Variants in APPBP2 observed in about 807,000 individuals in gnomAD.
APPBP2 encodes amyloid beta precursor protein binding protein 2.
In APPBP2, 15 loss-of-function variants were observed where a neutral mutation model predicts 76.0. That is an observed-to-expected ratio of 0.20 (90% confidence interval 0.13 to 0.30). The LOEUF (loss-of-function observed/expected upper bound fraction) is 0.30. Ranked by LOEUF, APPBP2 falls within the 10% of genes least tolerant of loss-of-function variation. The probability of loss-of-function intolerance (pLI) is 1.00; values close to 1 mark genes in which losing one functional copy is unlikely to be tolerated. For synonymous variants in APPBP2, 222 were observed against 242.2 expected (o/e 0.92, Z 0.77); for missense variants, 401 against 687.2 (o/e 0.58, Z 4.66).
intron 3 of APPBP2, among the ~76,000 whole-genome samples, chr17:60,479,998 A>G (rs1262756012): frequency 6.6e-6 from 1 of 152,222 alleles, no homozygotes; most frequent in Non-Finnish European, 1.5e-5. Flanking sequence ...GATGCACACA[A>G]TGTGACTTCA....
intron 11 of APPBP2, among the ~76,000 whole-genome samples, chr17:60,453,244 G>A (rs2090408134): frequency 6.6e-6 from 1 of 152,006 alleles, no homozygotes; most frequent in Non-Finnish European, 1.5e-5. Flanking sequence ...AAGCTGGAGT[G>A]CAGATCTCGG....
At chr17:60,499,732 A>G (rs1202808091) in intron 2 of APPBP2, among the ~76,000 whole-genome samples, 1 of 152,242 alleles carries the variant, frequency 6.6e-6, no homozygotes, top group Non-Finnish European at 1.5e-5. Flanking sequence ...TAATCTAGCC[A>G]TAAAAAGAAA....
At chr17:60,454,666 T>C (rs2090419527) in intron 10 of APPBP2, among the ~76,000 whole-genome samples, 174 bp from the exon 11 acceptor site, 1 of 152,236 alleles carries the variant, frequency 6.6e-6, no homozygotes, top group African/African-American at 2.4e-5. Flanking sequence ...GTACACTTTT[T>C]GGTGGTCATT....
In APPBP2 at chr17:60,526,009, C is replaced by T. The variant is rs1358621500; in HGVS notation, c.-78G>A. The stretch of plus-strand genomic sequence containing the variant: ...CCTCCCTCCGTAGCGAACCCCTCTG[C>T]GGCCCCGGAGGATTCGGAGGGGCGG... On this transcript the variant is annotated 5_prime_UTR_variant, in exon 1 of 13. Coordinates refer to ENST00000083182, the MANE Select transcript of APPBP2 (RefSeq NM_006380.5). 6 of 1,425,598 alleles carry T rather than the reference C, an allele frequency of 4.2e-6. No individual in the cohort carries two copies. In the East Asian group the frequency reaches 1.3e-4, roughly 30 times the overall value. The allele number at this position is 1,425,598 out of a possible 1,614,324, so 88.3% of individuals were successfully genotyped here.
chr17:60,521,894 A>C (rs2091012641), intron 1 of APPBP2, among the ~76,000 whole-genome samples: 1 of 152,218 alleles, frequency 6.6e-6, no homozygotes, highest in African/African-American at 2.4e-5. Context: ...CCCCTGGTTT[A>C]GATACACAAG....
At chr17:60,476,477 A>C (rs991821958) in intron 4 of APPBP2, among the ~76,000 whole-genome samples, 7 of 152,274 alleles carry the variant, frequency 4.6e-5, no homozygotes, top group Non-Finnish European at 7.4e-5. Flanking sequence ...AAATTTTAAT[A>C]ATCTTTTCAA....
chr17:60,519,442 T>G (rs1397436347), intron 1 of APPBP2, among the ~76,000 whole-genome samples: 1 of 151,660 alleles, frequency 6.6e-6, no homozygotes, highest in Non-Finnish European at 1.5e-5. Context: ...ACGGTCGGTC[T>G]CTACAAAAAA....
At chr17:60,475,586 T>C (rs1159589247) in intron 4 of APPBP2, among the ~76,000 whole-genome samples, 1 of 151,952 alleles carries the variant, frequency 6.6e-6, no homozygotes, top group Non-Finnish European at 1.5e-5. Flanking sequence ...TTTCTATTTA[T>C]CTTTGGATTT....
intron 1 of APPBP2, 52 bp from the exon 2 acceptor site, chr17:60,500,539 T>C (rs377721309): frequency 9.7e-4 from 1,204 of 1,238,926 alleles, no homozygotes; most frequent in Non-Finnish European, 1.3e-3. Flanking sequence ...TTCTTCTTTT[T>C]ACTTTAATCA....
At chr17:60,487,286 G>A (rs1355448327) in intron 3 of APPBP2, among the ~76,000 whole-genome samples, 3 of 152,174 alleles carry the variant, frequency 2.0e-5, no homozygotes, top group Admixed American at 6.5e-5. Flanking sequence ...ATCCTGAAGT[G>A]TCTTCCAGCT....
At chr17:60,472,670 T>C (rs1364322900) in intron 4 of APPBP2, among the ~76,000 whole-genome samples, 1 of 152,208 alleles carries the variant, frequency 6.6e-6, no homozygotes, top group Non-Finnish European at 1.5e-5. Context: ...GCAGCAATCT[T>C]ACAAGCACTG....
chr17:60,506,600 T>C (rs2090869958), intron 1 of APPBP2, among the ~76,000 whole-genome samples: 1 of 152,200 alleles, frequency 6.6e-6, no homozygotes, highest in Non-Finnish European at 1.5e-5. Context: ...AAGACATGCA[T>C]GCATTCACTT....
chr17:60,525,245 T>C (rs575174014), intron 1 of APPBP2, among the ~76,000 whole-genome samples: 16 of 152,232 alleles, frequency 1.1e-4, no homozygotes, highest in Admixed American at 5.9e-4. Context: ...TTAAAGAATA[T>C]GCAAATAAAA....
At chr17:60,472,275 T>C (rs1429311407) in intron 4 of APPBP2, among the ~76,000 whole-genome samples, 3 of 152,250 alleles carry the variant, frequency 2.0e-5, no homozygotes, top group South Asian at 2.1e-4. Context: ...TAGAATTCAC[T>C]AGTGAAGTCT....
At chr17:60,513,544 C>G in intron 1 of APPBP2, 2 of 487,226 alleles carry the variant, frequency 4.1e-6, no homozygotes, top group Non-Finnish European at 7.5e-6. Flanking sequence ...CAAGATAGAT[C>G]CACCAAAATC....
At chr17:60,503,560 A>AT (rs2143461400) in intron 1 of APPBP2, among the ~76,000 whole-genome samples, 1 of 145,268 alleles carries the variant, frequency 6.9e-6, no homozygotes, top group South Asian at 2.1e-4. Flanking sequence ...TAATTTTTGT[A>AT]TTTTTAGTAG....
chr17:60,458,837 A>ATC lies in APPBP2; in HGVS notation c.1061+1824_1061+1825dup, dbSNP rs1355619608. Reference sequence around the variant, plus strand: ...GTCGCCACGCTGGAGTGCAGTGGTGATCTTGGCTCACTGCAACCTCCGACT... The same window carrying ATC: ...GTCGCCACGCTGGAGTGCAGTGGTGATCTCTTGGCTCACTGCAACCTCCGACT... On this transcript the variant is annotated intron_variant, in intron 9 of 12. Transcript: ENST00000083182. Among the ~76,000 whole-genome samples the ATC allele has an allele frequency of 5.1e-4, 75 of 146,444 alleles. 2 individuals carry two copies. In the East Asian group the frequency reaches 9.9e-3, roughly 19 times the overall value.
chr17:60,509,695 G>A (rs535201334), intron 1 of APPBP2, among the ~76,000 whole-genome samples: 3 of 152,060 alleles, frequency 2.0e-5, no homozygotes, highest in African/African-American at 4.8e-5. Context: ...GCAGCTACCC[G>A]GGGGGCTGAG....
At chr17:60,447,934 G>A in intron 12 of APPBP2, 100 bp from the exon 13 acceptor site, 1 of 1,155,008 alleles carries the variant, frequency 8.7e-7, no homozygotes, top group Non-Finnish European at 1.2e-6. Flanking sequence ...TAAACAGGGT[G>A]GCTTAGGTTT....
Sources: gnomAD v4.1 joint callset for allele counts (sites outside exome capture counted in the v4.1 genomes callset) on GRCh38, gnomAD v4.1.1 for gene constraint, MANE v1.5 for transcripts, NCBI Gene and HGNC (gene_info 2026-07-23, HGNC 2026-07-21) for gene names.